Variants in DECR1 observed in about 807,000 individuals in gnomAD.
DECR1 encodes the protein 2,4-dienoyl-CoA reductase [(3E)-enoyl-CoA-producing], mitochondrial.
A neutral mutation model predicts 38.8 loss-of-function variants in DECR1; 44 were observed. The ratio of observed to expected loss-of-function variants is 1.13; its 90% CI spans 0.89 to 1.46. DECR1 has a LOEUF of 1.46. DECR1 is among the 40% of genes most tolerant of loss of function. DECR1 has a pLI of 0.00. For synonymous variants in DECR1, 148 were observed against 135.2 expected (o/e 1.09, Z -0.66); for missense variants, 428 against 405.5 (o/e 1.06, Z -0.48).
chr8:90,042,616 G>C, intron 6 of DECR1, 112 bp from the exon 7 acceptor site: 1 of 844,518 alleles, frequency 1.2e-6, no homozygotes, highest in Non-Finnish European at 2.0e-6. Context: ...GTACCTACCT[G>C]TTGGGGTTGT....
At chr8:90,010,487 AAAT>A (rs1812856066) in intron 1 of DECR1, among the ~76,000 whole-genome samples, 1 of 152,234 alleles carries the variant, frequency 6.6e-6, no homozygotes, top group Admixed American at 6.5e-5. Context: ...CAATCGGACA[AAAT>A]AAATTGGGAA....
At chr8:90,005,376 T>TG in intron 1 of DECR1, 1 of 456,332 alleles carries the variant, frequency 2.2e-6, no homozygotes, top group Non-Finnish European at 4.4e-6. Context: ...TATGGTATGA[T>TG]GTGCCGCATG....
intron 5 of DECR1, among the ~76,000 whole-genome samples, chr8:90,031,991 A>T (rs1330875292): frequency 6.6e-6 from 1 of 152,204 alleles, no homozygotes; most frequent in Non-Finnish European, 1.5e-5. Flanking sequence ...ACCACAAATG[A>T]CCACAAACTT....
chr8:90,043,160 A>T (rs1216148926), intron 7 of DECR1, among the ~76,000 whole-genome samples: 2 of 152,060 alleles, frequency 1.3e-5, no homozygotes, highest in African/African-American at 4.8e-5. Context: ...TCCTTTTTTA[A>T]AAAAAATCAA....
chr8:90,020,884 G>T (rs1813138183), intron 4 of DECR1, 25 bp from the exon 5 acceptor site: 1 of 1,499,548 alleles, frequency 6.7e-7, no homozygotes, highest in East Asian at 2.5e-5. Flanking sequence ...TAAAGTTTCT[G>T]TAACTTGCCT....
chr8:90,050,765 G>T (rs1027768912), intron 8 of DECR1, among the ~76,000 whole-genome samples: 1 of 152,100 alleles, frequency 6.6e-6, no homozygotes, highest in African/African-American at 2.4e-5. Flanking sequence ...CAAAGACTTG[G>T]AACCAACCCA....
Position 90,052,155 on chromosome 8 carries a change from G to T in DECR1, c.*258G>T, listed in dbSNP as rs2130193772. ...GGCTCCTCTTTACCTATTGATAGAG[G>T]TAAAAAGTACTTAGAAGTGCAGAGA... is the stretch of plus-strand genomic sequence containing the variant. On this transcript the variant is annotated 3_prime_UTR_variant, in exon 10 of 10. Transcript: ENST00000220764. The T allele has an allele frequency of 2.5e-6, 1 of 404,402 alleles. No individual in the cohort carries two copies. The highest frequency in any genetic ancestry group is 2.1e-5 in the African/African-American group (1 of 48,228). 25.1% of individuals were successfully genotyped at this position (404,402 alleles called of 1,614,324 possible). A position where few individuals can be genotyped will look rare whatever the true frequency, so the allele number is the denominator to read the frequency against.
chr8:90,037,692 T>A (rs1230576272), intron 6 of DECR1, among the ~76,000 whole-genome samples: 1 of 152,040 alleles, frequency 6.6e-6, no homozygotes, highest in Non-Finnish European at 1.5e-5. Context: ...CAAGAAATCC[T>A]CCTGCCTCAG....
intron 1 of DECR1, chr8:90,005,510 C>G (rs1352714918): frequency 4.5e-6 from 2 of 448,146 alleles, no homozygotes; most frequent in African/African-American, 4.0e-5. Context: ...TGAGAGGAAG[C>G]TGGGCCTATC....
chr8:90,027,514 C>G (rs1169837512), intron 5 of DECR1, among the ~76,000 whole-genome samples: 1 of 152,060 alleles, frequency 6.6e-6, no homozygotes, highest in Non-Finnish European at 1.5e-5. Context: ...GGTTTAAAGT[C>G]TGTTTTATCA....
At chr8:90,042,824 C>T in intron 7 of DECR1, 24 bp downstream of exon 7, 1 of 1,580,796 alleles carries the variant, frequency 6.3e-7, no homozygotes, top group Non-Finnish European at 8.7e-7. Flanking sequence ...TGCTTGTTAT[C>T]ACATTGTGAA....
Position 90,001,568 on chromosome 8 carries a change from C to T in DECR1, c.69+7C>T. The T allele has an allele frequency of 1.9e-6, 3 of 1,610,836 alleles. No individual in the cohort carries two copies. The highest frequency in any genetic ancestry group is 1.7e-6 in the Non-Finnish European group (2 of 1,178,022). ...TGGCCTCGCTCCTCGGAGGGTAAGG[C>T]GGCCGGGGGCGCGGGGAGCGAGGAC... On this transcript the variant is annotated splice_region_variant and intron_variant, in intron 1 of 9. Transcript: ENST00000220764.
chr8:90,025,222 T>C (rs2130080572), intron 5 of DECR1, among the ~76,000 whole-genome samples: 1 of 152,312 alleles, frequency 6.6e-6, no homozygotes, highest in South Asian at 2.1e-4. Context: ...TTTGGTTCCA[T>C]ATGAACTTTA....
intron 1 of DECR1, chr8:90,005,689 T>A: frequency 2.9e-6 from 1 of 341,344 alleles, no homozygotes; most frequent in Non-Finnish European, 5.8e-6. Flanking sequence ...ACAGACAGAT[T>A]GTACCTCAGT....
intron 1 of DECR1, among the ~76,000 whole-genome samples, chr8:90,011,668 T>G (rs966977496): frequency 2.0e-5 from 3 of 152,208 alleles, no homozygotes; most frequent in Non-Finnish European, 2.9e-5. Flanking sequence ...ACTTCTTTTA[T>G]TAAATGTATT....
At chr8:90,024,297 T>A (rs1326280361) in intron 5 of DECR1, among the ~76,000 whole-genome samples, 4 of 152,212 alleles carry the variant, frequency 2.6e-5, no homozygotes, top group African/African-American at 4.8e-5. Context: ...AGCCACACTG[T>A]CTTCCACAAT....
chr8:90,039,822 C>T (rs982396809), intron 6 of DECR1, among the ~76,000 whole-genome samples: 3 of 152,178 alleles, frequency 2.0e-5, no homozygotes, highest in African/African-American at 7.2e-5. Context: ...GAGGGACTCT[C>T]ATTTGAGAGC....
rs374823507 is a variant in DECR1 at position 90,001,508 on chromosome 8, A to G, written c.16A>G (p.Arg6Gly). 4.3e-6 allele frequency: 7 copies of G among 1,613,890 alleles called. No individual in the cohort carries two copies. The highest frequency in any genetic ancestry group is 2.2e-5 in the East Asian group (1 of 44,868). The change falls in exon 1 of 10, where the codon AGG becomes GGG. Residue 6 changes from arginine (R) to glycine (G), a missense_variant. Transcript: ENST00000220764. ...GAGACTCAACATGAAGCTACCGGCC[A>G]GGGTTTTCTTTACTCTGGGGTCCCG... Reference protein sequence around the residue: MKLPARVFFTLGSRLP... With the variant: MKLPAGVFFTLGSRLP...
chr8:90,007,374 T>G (rs916109202), intron 1 of DECR1, among the ~76,000 whole-genome samples: 1 of 152,062 alleles, frequency 6.6e-6, no homozygotes, highest in African/African-American at 2.4e-5. Flanking sequence ...GAAGATCAGT[T>G]AAAAGATGAC....
Sources: gnomAD v4.1 joint callset for allele counts (sites outside exome capture counted in the v4.1 genomes callset) on GRCh38, gnomAD v4.1.1 for gene constraint, MANE v1.5 for transcripts, NCBI Gene and HGNC (gene_info 2026-07-23, HGNC 2026-07-21) for gene names.